UGT3A1: variants seen among roughly 807,000 people sequenced by gnomAD.
The protein encoded by UGT3A1 is UDP-glycosyltransferase 3A1.
Under a neutral mutation model 37.6 loss-of-function variants are expected in UGT3A1, and 40 were observed. The observed-to-expected ratio is 1.06, with a 90% CI of 0.83 to 1.38. The LOEUF (loss-of-function observed/expected upper bound fraction) is 1.38, where lower values mean the gene tolerates loss of function less well. Ranked by LOEUF, UGT3A1 falls within the 40% of genes most tolerant of loss-of-function variation. The pLI, the probability that UGT3A1 is intolerant of heterozygous loss-of-function variation, is 0.00. For missense variants in UGT3A1, 642 were observed against 634.2 expected (o/e 1.01, Z -0.13); for synonymous variants, 256 against 232.3 (o/e 1.10, Z -0.93).
At chr5:35,973,493 T>C (rs1740135377) in intron 2 of UGT3A1, among the ~76,000 whole-genome samples, 1 of 152,132 alleles carries the variant, frequency 6.6e-6, no homozygotes, top group African/African-American at 2.4e-5. Flanking sequence ...TTAATTGAAT[T>C]AAACATGGAT....
chr5:35,982,623 G>A (rs1338215420), intron 2 of UGT3A1, among the ~76,000 whole-genome samples: 2 of 152,202 alleles, frequency 1.3e-5, no homozygotes, highest in African/African-American at 4.8e-5. Context: ...TAGGCAGAAG[G>A]TACTCGTCTT....
At position 35,965,719 on chromosome 5, in the gene UGT3A1, G is replaced by T. The variant is rs184080185; in HGVS notation, c.510C>A (p.Phe170Leu). The T allele has an allele frequency of 1.9e-6, 3 of 1,614,162 alleles. No individual in the cohort carries two copies. The highest frequency in any genetic ancestry group is 4.5e-5 in the East Asian group (2 of 44,876). Residue 170 changes from phenylalanine (F) to leucine (L), a missense_variant, in exon 4 of 7, where the codon TTC becomes TTA. Physicochemically the swap from Phe to Leu is conservative, Grantham distance 22. Coordinates refer to ENST00000274278, the MANE Select transcript of UGT3A1 (RefSeq NM_152404.4). ...TTGGTAGCCCAAAATCCAAAGAGCC[G>T]AATGTGGTGGGAAGAATGGCCACAA... ...KPFVAILPTTFGSLDFGLPSP... is the reference protein window; with the variant it reads ...KPFVAILPTTLGSLDFGLPSP...
chr5:35,962,631 A>G (rs1399408181), intron 4 of UGT3A1: 10 of 462,298 alleles, frequency 2.2e-5, no homozygotes, highest in African/African-American at 1.6e-4. Flanking sequence ...CCTGCAAGGT[A>G]TAAAAAGCCT....
chr5:35,981,019 C>A lies in UGT3A1; in HGVS notation c.196+7431G>T, dbSNP rs150349163. Among the ~76,000 whole-genome samples the A allele has an allele frequency of 3.4e-4, 52 of 152,252 alleles. No individual in the cohort carries two copies. In the East Asian group the frequency reaches 9.3e-3, roughly 27 times the overall value. On this transcript the variant is annotated intron_variant, in intron 2 of 6. Coordinates refer to ENST00000274278, the MANE Select transcript of UGT3A1 (RefSeq NM_152404.4). ...CTGGTCAGGATGAGAATTTTCTGGT[C>A]AGGAGAAGAAAATCACTGGCCTGAG... is the stretch of plus-strand genomic sequence containing the variant.
At chr5:35,958,444 C>T (rs1739444192) in intron 4 of UGT3A1, among the ~76,000 whole-genome samples, 1 of 152,232 alleles carries the variant, frequency 6.6e-6, no homozygotes, top group African/African-American at 2.4e-5. Context: ...TTCCATCCAG[C>T]ATAACACTGC....
upstream of UGT3A1, among the ~76,000 whole-genome samples, chr5:35,995,422 C>T (rs193152555): frequency 2.6e-5 from 4 of 152,334 alleles, no homozygotes; most frequent in African/African-American, 9.6e-5. Flanking sequence ...TGTCTACCAA[C>T]CCTGGTCAAA....
At chr5:35,978,764 C>T (rs531174276) in intron 2 of UGT3A1, among the ~76,000 whole-genome samples, 17 of 152,278 alleles carry the variant, frequency 1.1e-4, no homozygotes, top group Admixed American at 7.2e-4. Flanking sequence ...ATAGTCTTAA[C>T]TCATTTCAGC....
intron 4 of UGT3A1, chr5:35,961,040 C>T (rs1224948871): frequency 6.6e-6 from 1 of 152,102 alleles, no homozygotes; most frequent in African/African-American, 2.4e-5. Context: ...GTGTGGAGAG[C>T]CAAAAGGCAA....
In UGT3A1 at chr5:35,955,895, T is replaced by A. The variant is rs1416327099; in HGVS notation, c.1076-31A>T. On this transcript the variant is annotated intron_variant, in intron 5 of 6. Coordinates refer to ENST00000274278, the MANE Select transcript of UGT3A1 (RefSeq NM_152404.4). The stretch of plus-strand genomic sequence containing the variant: ...GCAAATAAGAAAGAGAGTGGAACAC[T>A]TCAGGATGAAAAATTTTGGAATACC... The A allele has an allele frequency of 2.5e-6, 4 of 1,600,716 alleles. No individual in the cohort carries two copies. In the South Asian group the frequency reaches 4.4e-5, roughly 18 times the overall value.
rs995190901 is a variant in UGT3A1 at position 35,962,682 on chromosome 5, G to C, written c.843+2704C>G. ...CAGGCCATTCGTCCTCACGCCTACAGAAAATGTCCAGCTGCCAGATGGTAT... is the reference window on the plus strand; with the variant it reads ...CAGGCCATTCGTCCTCACGCCTACACAAAATGTCCAGCTGCCAGATGGTAT... On this transcript the variant is annotated intron_variant, in intron 4 of 6. Coordinates refer to ENST00000274278, the MANE Select transcript of UGT3A1 (RefSeq NM_152404.4). 6 of 565,900 alleles carry C rather than the reference G, an allele frequency of 1.1e-5. No homozygotes were observed. In the African/African-American group the frequency reaches 1.1e-4, roughly 11 times the overall value. 35.1% of individuals were successfully genotyped at this position (565,900 alleles called of 1,614,324 possible).
chr5:35,978,681 A>T (rs1195690834), intron 2 of UGT3A1, among the ~76,000 whole-genome samples: 2 of 152,170 alleles, frequency 1.3e-5, no homozygotes, highest in African/African-American at 4.8e-5. Context: ...AACCCATATC[A>T]TTCTGCCACT....
upstream of UGT3A1, among the ~76,000 whole-genome samples, chr5:35,994,642 C>T (rs745773757): frequency 6.6e-6 from 1 of 152,084 alleles, no homozygotes; most frequent in Non-Finnish European, 1.5e-5. Flanking sequence ...CCCTCCCACA[C>T]CTTCAGCCCC....
chr5:35,973,094 C>A (rs1198238923), intron 2 of UGT3A1, among the ~76,000 whole-genome samples: 2 of 152,298 alleles, frequency 1.3e-5, no homozygotes, highest in Non-Finnish European at 2.9e-5. Context: ...GGCTATTGAA[C>A]CCCTAACTTC....
chr5:35,960,133 T>C (rs936109257), intron 4 of UGT3A1, among the ~76,000 whole-genome samples: 4 of 152,248 alleles, frequency 2.6e-5, no homozygotes, highest in South Asian at 2.1e-4. Context: ...GTACATATTC[T>C]ATACAAACCC....
At chr5:35,961,756 C>T (rs987231449) in intron 4 of UGT3A1, 5 of 152,182 alleles carry the variant, frequency 3.3e-5, no homozygotes, top group African/African-American at 9.7e-5. Context: ...TCCCAGGGCC[C>T]ATTTCTGCAA....
chr5:35,995,127 TATCTCTCTTAAAGAGCTATTGGC>T (rs1461810514), upstream of UGT3A1, among the ~76,000 whole-genome samples: 5 of 152,194 alleles, frequency 3.3e-5, no homozygotes. Context: ...TGTAATCTTT[TATCTCTCTTAAAGAGCTATTGGC>T]ATCTCCCCTA....
At chr5:35,957,835 G>A (rs1244567100) in intron 4 of UGT3A1, among the ~76,000 whole-genome samples, 1 of 152,196 alleles carries the variant, frequency 6.6e-6, no homozygotes, top group Non-Finnish European at 1.5e-5. Flanking sequence ...AGAAGAAGGT[G>A]TAGTCTGCTG....
At chr5:35,956,055 A>C (rs1254967970) in intron 5 of UGT3A1, among the ~76,000 whole-genome samples, 191 bp from the exon 6 acceptor site, 1 of 152,212 alleles carries the variant, frequency 6.6e-6, no homozygotes, top group Non-Finnish European at 1.5e-5. Context: ...TTCTGTAGAG[A>C]TTCCTCACCT....
intron 1 of UGT3A1, 193 bp downstream of exon 1, chr5:35,990,954 G>A: frequency 6.8e-7 from 1 of 1,471,128 alleles, no homozygotes; most frequent in Non-Finnish European, 9.0e-7. Flanking sequence ...CTCAAAAACT[G>A]TCTTCCTCAC....
Sources: allele counts gnomAD v4.1 joint callset (sites outside exome capture counted in the v4.1 genomes callset), GRCh38; gene constraint gnomAD v4.1.1; transcripts MANE v1.5; gene names NCBI Gene and HGNC (gene_info 2026-07-23, HGNC 2026-07-21).